The following NPHS1 variants were observed in gnomAD, a reference collection of about 807,000 sequenced individuals.
NPHS1 encodes NPHS1 adhesion molecule, nephrin, also known as nephrin.
In NPHS1, 107 loss-of-function variants were observed where a neutral mutation model predicts 139.7. The observed-to-expected ratio is 0.77, with a 90% confidence interval of 0.66 to 0.90. The LOEUF is 0.90. Ranked by LOEUF, NPHS1 falls within the 40% of genes least tolerant of loss-of-function variation. NPHS1 has a pLI of 0.00. For synonymous variants in NPHS1, 707 were observed against 706.6 expected, an observed-to-expected ratio of 1.00 and a Z score of -0.01; for missense variants, 1,580 against 1,654.2, an observed-to-expected ratio of 0.96 and a Z score of 0.78.
At chr19:35,844,526 T>C (rs1973108495) in intron 14 of NPHS1, 67 bp from the exon 15 acceptor site, 1 of 1,510,930 alleles carries the variant, frequency 6.6e-7, no homozygotes, top group Admixed American at 2.0e-5. Flanking sequence ...AGATTGGAGA[T>C]CAGGCACAGG....
intron 17 of NPHS1, 121 bp from the exon 18 acceptor site, chr19:35,842,671 G>GA (rs1007774341): frequency 4.8e-4 from 480 of 996,562 alleles, no homozygotes; most frequent in Admixed American, 1.2e-3. Context: ...AGGTATTGAA[G>GA]AAAAAAAAAT....
chr19:35,841,639 G>A, intron 20 of NPHS1, 76 bp downstream of exon 20: 1 of 1,564,838 alleles, frequency 6.4e-7, no homozygotes, highest in Non-Finnish European at 8.8e-7. Context: ...AACATGGGCA[G>A]CCCAGGGCCA....
chr19:35,848,488 A>G, intron 9 of NPHS1, 91 bp from the exon 10 acceptor site: 1 of 1,595,922 alleles, frequency 6.3e-7, no homozygotes, highest in East Asian at 2.2e-5. Context: ...CAGCAGGGAC[A>G]CAGGAGACAT....
At chr19:35,840,429 G>A (rs996145808) in intron 20 of NPHS1, among the ~76,000 whole-genome samples, 3 of 150,340 alleles carry the variant, frequency 2.0e-5, no homozygotes, top group African/African-American at 7.4e-5. Flanking sequence ...CTGCCTCCTG[G>A]GTTCACGCCA....
rs1972803358 is a variant in NPHS1, at chr19:35,826,578, G to A, written c.3662C>T (p.Ala1221Val). Residue 1221 changes from alanine to valine, a missense_variant, in exon 29 of 29, where the codon GCC becomes GTC. Physicochemically the swap from Ala to Val is moderately conservative, Grantham distance 64. Transcript: ENST00000378910. ...GGGTTCCAGAGTGTCCAAGTCTCCG[G>A]CCACCTGGTCATAGATTCCTCTTGG... is the stretch of plus-strand genomic sequence containing the variant. ...QDPRGIYDQV[A>V]GDLDTLEPDS... The A allele has an allele frequency of 6.2e-7, 1 of 1,613,850 alleles. No individual in the cohort carries two copies. The highest frequency in any genetic ancestry group is 1.3e-5 in the African/African-American group (1 of 74,886).
In NPHS1 at chr19:35,839,546, C is replaced by T; in HGVS notation, c.2877G>A (p.Leu959=). Residue 959 remains leucine, a synonymous_variant, in exon 21 of 29, where the codon CTG becomes CTA. Transcript: ENST00000378910. ...VVSLTPHSVG[L]EWKPGFDGGL... is the part of the protein sequence containing the mutation. ...CCCCATCAAAGCCAGGCTTCCACTC[C>T]AGCCCCACGGAGTGTGGGGTCAGAC... 1 of 1,614,200 alleles carries T rather than the reference C, an allele frequency of 6.2e-7. No homozygotes were observed. The highest frequency in any genetic ancestry group is 8.5e-7 in the Non-Finnish European group (1 of 1,180,046).
rs1212569012 is a variant in NPHS1 at position 35,826,368 on chromosome 19, ACT to A, written c.*144_*145del. The A allele has an allele frequency of 3.3e-6, 3 of 903,330 alleles. No homozygotes were observed. The highest frequency in any genetic ancestry group is 3.3e-5 in the African/African-American group (2 of 60,714). The allele number at this position is 903,330 out of a possible 1,614,324, so 56.0% of individuals were successfully genotyped here. On this transcript the variant is annotated 3_prime_UTR_variant, in exon 29 of 29. Transcript: ENST00000378910. The stretch of plus-strand genomic sequence containing the variant: ...TGGTACCAGCTGAACCATCTCTGTC[ACT>A]CAGCCCCCTCCATGTCCTCTCCTGA...
intron 22 of NPHS1, 116 bp downstream of exon 22, chr19:35,839,121 C>G: frequency 1.0e-6 from 1 of 991,920 alleles, no homozygotes; most frequent in Non-Finnish European, 1.6e-6. Flanking sequence ...GGACAATTTG[C>G]TTAACAGCTA....
intron 28 of NPHS1, among the ~76,000 whole-genome samples, chr19:35,829,270 A>T (rs1972841230): frequency 6.6e-6 from 1 of 152,202 alleles, no homozygotes; most frequent in South Asian, 2.1e-4. Context: ...CCCAAGCTAG[A>T]CCAATTAAGT....
chr19:35,826,517 C>T lies in NPHS1; in HGVS notation c.3723G>A (p.Val1241=), dbSNP rs753103133. The T allele has an allele frequency of 1.2e-6, 2 of 1,613,668 alleles. No individual in the cohort carries two copies. The highest frequency in any genetic ancestry group is 1.7e-5 in the Admixed American group (1 of 60,008). The change falls in exon 29 of 29, where the codon GTG becomes GTA. Residue 1241 remains valine (V), a synonymous_variant. Coordinates refer to ENST00000378910, the MANE Select transcript of NPHS1 (RefSeq NM_004646.4). ...SLPFELRGHL[V] ...GACAATGGGGTTGAGAGGGCTCTTA[C>T]ACCAGATGTCCCCTCAGCTCGAAGG...
At position 35,851,332 on chromosome 19, in the gene NPHS1, A is replaced by G. The variant is rs779228955; in HGVS notation, c.327T>C (p.Tyr109=). ...EACDLSDDAE[Y]ECQVGRSEMG... ...TCTCAGAGCGGCCGACCTGGCACTCATACTCCGCGTCATCGCTGAGGTCAC... is the reference window on the plus strand; with the variant it reads ...TCTCAGAGCGGCCGACCTGGCACTCGTACTCCGCGTCATCGCTGAGGTCAC... Residue 109 remains tyrosine (Y), a synonymous_variant, in exon 3 of 29, where the codon TAT becomes TAC. Transcript: ENST00000378910. 3.1e-6 allele frequency: 5 copies of G among 1,613,822 alleles called. No individual in the cohort carries two copies. The highest frequency in any genetic ancestry group is 4.2e-6 in the Non-Finnish European group (5 of 1,179,890).
chr19:35,836,531 A>C (rs1008747271), intron 22 of NPHS1, among the ~76,000 whole-genome samples: 1 of 152,132 alleles, frequency 6.6e-6, no homozygotes, highest in Non-Finnish European at 1.5e-5. Context: ...TCCCTTAATA[A>C]AGGTACAAGT....
chr19:35,834,272 G>A (rs533058384), intron 23 of NPHS1, among the ~76,000 whole-genome samples: 13 of 152,062 alleles, frequency 8.5e-5, no homozygotes, highest in East Asian at 7.7e-4. Flanking sequence ...AGAGACACGC[G>A]CCCAGTTATC....
rs1973118492 is a variant in NPHS1, at chr19:35,845,273, G to A, written c.1930+95C>T. The stretch of plus-strand genomic sequence containing the variant: ...CGACAAAAAATGAAAGAGAGAGAGA[G>A]AGAGAAGAGAAAAAGAAGGAAAAAA... On this transcript the variant is annotated intron_variant, in intron 14 of 28. Transcript: ENST00000378910. The surrounding 1 kb of genome is among the most constrained non-coding windows in gnomAD (Gnocchi z 5.5). 2.2e-6 allele frequency: 3 copies of A among 1,371,394 alleles called. No homozygotes were observed. The highest frequency in any genetic ancestry group is 1.4e-5 in the African/African-American group (1 of 69,788). 85.0% of individuals were successfully genotyped at this position (1,371,394 alleles called of 1,614,324 possible).
At chr19:35,843,798 G>C (rs1568453765) in intron 16 of NPHS1, 1 of 667,464 alleles carries the variant, frequency 1.5e-6, no homozygotes, top group Non-Finnish European at 2.5e-6. Context: ...GTGATAATTA[G>C]AGTGAGTTGA....
intron 11 of NPHS1, among the ~76,000 whole-genome samples, chr19:35,846,870 C>G (rs1176046868): frequency 1.3e-5 from 2 of 152,270 alleles, no homozygotes; most frequent in African/African-American, 4.8e-5. Context: ...AGTCTTCCCC[C>G]CAAAGTTTTC....
At chr19:35,828,839 A>G (rs1188376318) in intron 28 of NPHS1, among the ~76,000 whole-genome samples, 1 of 152,222 alleles carries the variant, frequency 6.6e-6, no homozygotes, top group Non-Finnish European at 1.5e-5. Flanking sequence ...TCTACGCTTT[A>G]GAGAGTGCAT....
intron 22 of NPHS1, among the ~76,000 whole-genome samples, chr19:35,838,131 C>A (rs774625774): frequency 1.2e-4 from 18 of 151,428 alleles, no homozygotes; most frequent in Non-Finnish European, 1.5e-4. Context: ...GTAATCCCAG[C>A]TACTTGGGAG....
In NPHS1 at chr19:35,849,590, C is replaced by T. The variant is rs2146828426; in HGVS notation, c.672G>A (p.Leu224=). ...LLVCEASSPA[L]EAPIKASFTV... ...TGAATGAGGCCTTGATGGGGGCCTCCAGTGCTGGGCTAGACGCCTCACAGA... is the reference window on the plus strand; with the variant it reads ...TGAATGAGGCCTTGATGGGGGCCTCTAGTGCTGGGCTAGACGCCTCACAGA... The change falls in exon 6 of 29, where the codon CTG becomes CTA. Residue 224 remains leucine, a synonymous_variant. Coordinates refer to ENST00000378910, the MANE Select transcript of NPHS1 (RefSeq NM_004646.4). 1.2e-6 allele frequency: 2 copies of T among 1,614,108 alleles called. No individual in the cohort carries two copies. The highest frequency in any genetic ancestry group is 1.7e-6 in the Non-Finnish European group (2 of 1,180,008).
Sources: gnomAD v4.1 joint callset for allele counts (sites outside exome capture counted in the v4.1 genomes callset) on GRCh38, gnomAD v4.1.1 for gene constraint, Gnocchi (gnomAD v3.1) non-coding constraint, MANE v1.5 for transcripts, NCBI Gene and HGNC (gene_info 2026-07-23, HGNC 2026-07-21) for gene names.